The following FGG variants were observed in gnomAD, a reference collection of about 807,000 sequenced individuals.
FGG encodes fibrinogen, gamma polypeptide.
A neutral mutation model predicts 51.7 loss-of-function variants in FGG; 20 were observed. The observed-to-expected ratio is 0.39, with a 90% CI of 0.27 to 0.56. FGG has a LOEUF of 0.56. Ranked by LOEUF, FGG falls within the 20% of genes least tolerant of loss-of-function variation. The pLI is 0.64. For missense variants in FGG, 460 were observed against 534.2 expected, an observed-to-expected ratio of 0.86 and a Z score of 1.37; for synonymous variants, 184 against 184.7, an observed-to-expected ratio of 1.00 and a Z score of 0.03.
chr4:154,604,973 G>C lies in FGG; in HGVS notation c.1223C>G (p.Thr408Ser), dbSNP rs1228470924. The change falls in exon 9 of 9, where the codon ACC becomes AGC. Residue 408 changes from threonine (T) to serine (S), a missense_variant. Around this residue, in one of 3 missense-constraint regions of FGG, gnomAD observed 92 missense variants for 93.7 expected, o/e 0.98. Coordinates refer to ENST00000336098, the MANE Select transcript of FGG (RefSeq NM_021870.3). ...GTTGAATGGGATTATCTTCATAGTG[G>C]TTTTCTTCATGGAATACCACCGGGT... is the stretch of plus-strand genomic sequence containing the variant. Reference protein sequence around the residue: ...WKTRWYSMKKTTMKIIPFNRL... With the variant: ...WKTRWYSMKKSTMKIIPFNRL... 2 of 1,613,846 alleles carry C rather than the reference G, an allele frequency of 1.2e-6. No individual in the cohort carries two copies. Among genetic ancestry groups the C allele is most frequent in the African/African-American group, 1.3e-5 (1 of 74,846 alleles).
chr4:154,611,983 T>C, intron 3 of FGG, 35 bp downstream of exon 3: 1 of 1,607,320 alleles, frequency 6.2e-7, no homozygotes, highest in Non-Finnish European at 8.5e-7. Context: ...AGATTATTAT[T>C]ATTATTTTTT....
Position 154,608,615 on chromosome 4 carries a change from C to T in FGG, c.702G>A (p.Trp234Ter). ...GTCCAAATCCTTCTTTATATTGAAT[C>T]CAGTTTTTCTTGAAATCTACACTGC... ...LDGSVDFKKN[W>*]IQYKEGFGHL... The change falls in exon 7 of 9, where the codon TGG (tryptophan) becomes TGA (stop). Residue 234 changes from tryptophan to a stop codon, truncating the protein, a stop_gained. Coordinates refer to ENST00000336098, the MANE Select transcript of FGG (RefSeq NM_021870.3). LOFTEE classifies it high-confidence loss of function. 1 of 1,611,576 alleles carries T rather than the reference C, an allele frequency of 6.2e-7. No individual in the cohort carries two copies. Among genetic ancestry groups the T allele is most frequent in the Non-Finnish European group, 8.5e-7 (1 of 1,179,192 alleles).
At position 154,606,546 on chromosome 4, in the gene FGG, T is replaced by A. The variant is rs577959449; in HGVS notation, c.1129+159A>T. Among the ~76,000 whole-genome samples, 9 of 152,318 alleles carry A rather than the reference T, an allele frequency of 5.9e-5. No individual in the cohort carries two copies. In the South Asian group the frequency reaches 8.3e-4, roughly 14 times the overall value. On this transcript the variant is annotated intron_variant, in intron 8 of 8. Transcript: ENST00000336098. ...AATTTTAGGCATGAACTTGGTATTA[T>A]CCACTTCCAGTTTCAAAGAACTTAG...
At position 154,607,096 on chromosome 4, in the gene FGG, A is replaced by G; in HGVS notation, c.852-114T>C. On this transcript the variant is annotated intron_variant, in intron 7 of 8. Transcript: ENST00000336098. ...TTTGACTTTGTTTCTTAAGGCTGAA[A>G]TTTGCTCATTGAGTGAAGTTTTTTG... 3.0e-6 allele frequency: 4 copies of G among 1,354,180 alleles called. 1 individual carries two copies. Among genetic ancestry groups the G allele is most frequent in the Non-Finnish European group, 4.0e-6 (4 of 1,009,228 alleles). 83.9% of individuals were successfully genotyped at this position (1,354,180 alleles called of 1,614,324 possible).
At position 154,605,035 on chromosome 4, in the gene FGG, A is replaced by C. The variant is rs750709345; in HGVS notation, c.1161T>G (p.Asn387Lys). The change falls in exon 9 of 9, where the codon AAT becomes AAG. Residue 387 changes from asparagine to lysine, a missense_variant. This residue lies in a region of FGG where 92 missense variants were observed against 93.7 expected (regional missense o/e 0.98). Coordinates refer to ENST00000336098, the MANE Select transcript of FGG (RefSeq NM_021870.3). ...CCCAAATAATGCCATTATCATAACCATTAGGAGTAGATGCTTTTGAGTAAG... is the reference window on the plus strand; with the variant it reads ...CCCAAATAATGCCATTATCATAACCCTTAGGAGTAGATGCTTTTGAGTAAG... ...GGTYSKASTP[N>K]GYDNGIIWAT... 6.8e-5 allele frequency: 109 copies of C among 1,613,952 alleles called. No homozygotes were observed. The highest frequency in any genetic ancestry group is 8.6e-5 in the Non-Finnish European group (102 of 1,179,970).
Position 154,610,052 on chromosome 4 carries a change from A to C in FGG, c.532+15T>G, listed in dbSNP as rs1731177001. ...CTTTGATGAACCTAATCCCAATATA[A>C]CCTTCATCAGTTACCTTTCCCAGTG... On this transcript the variant is annotated intron_variant, in intron 5 of 8. Coordinates refer to ENST00000336098, the MANE Select transcript of FGG (RefSeq NM_021870.3). 6.2e-7 allele frequency: 1 copy of C among 1,613,526 alleles called. No homozygotes were observed. The highest frequency in any genetic ancestry group is 1.7e-5 in the Admixed American group (1 of 59,954).
intron 8 of FGG, 100 bp from the exon 9 acceptor site, chr4:154,605,166 T>C (rs1353174761): frequency 8.5e-7 from 1 of 1,183,210 alleles, no homozygotes; most frequent in Non-Finnish European, 1.2e-6. Flanking sequence ...GCCAGTTACA[T>C]AAAATTTATA....
rs1470480716 is a variant in FGG at position 154,611,813 on chromosome 4, T to G, written c.393A>C (p.Ser131=). 4 of 1,607,236 alleles carry G rather than the reference T, an allele frequency of 2.5e-6. No individual in the cohort carries two copies. Among genetic ancestry groups the G allele is most frequent in the Non-Finnish European group, 3.4e-6 (4 of 1,175,690 alleles). Residue 131 remains serine, a synonymous_variant, in exon 4 of 9, where the codon TCA becomes TCC. Transcript: ENST00000336098. ...AAAACAAAAATCCTTACCGAATACT[T>G]GAGTCATGTGTTAAAATCGATGCTT... ...KYEASILTHD[S]SIRYLQEIYN...
Position 154,608,591 on chromosome 4 carries a change from T to C in FGG, c.726A>G (p.Gly242=), listed in dbSNP as rs767150008. 5.6e-6 allele frequency: 9 copies of C among 1,613,656 alleles called. No homozygotes were observed. The East Asian group carries it at 1.8e-4, about 32-fold the overall frequency. The part of the protein sequence containing the change: ...KNWIQYKEGF[G]HLSPTGTTEF... ...CTGTTGTGCCAGTAGGAGACAGATG[T>C]CCAAATCCTTCTTTATATTGAATCC... The change falls in exon 7 of 9, where the codon GGA becomes GGG. Residue 242 remains glycine (G), a synonymous_variant. Transcript: ENST00000336098.
At chr4:154,607,186 G>T (rs1578809011) in intron 7 of FGG, among the ~76,000 whole-genome samples, 1 of 152,094 alleles carries the variant, frequency 6.6e-6, no homozygotes, top group East Asian at 1.9e-4. Flanking sequence ...TCCCGGGATG[G>T]GCCTAGAAGC....
chr4:154,611,820 T>A lies in FGG; in HGVS notation c.386A>T (p.His129Leu). Reference protein sequence around the residue: ...IMKYEASILTHDSSIRYLQEI... With the variant: ...IMKYEASILTLDSSIRYLQEI... ...AAATCCTTACCGAATACTTGAGTCA[T>A]GTGTTAAAATCGATGCTTCATATTT... Residue 129 changes from histidine (H) to leucine (L), a missense_variant, in exon 4 of 9, where the codon CAT (histidine) becomes CTT (leucine). Transcript: ENST00000336098. The A allele has an allele frequency of 1.2e-6, 2 of 1,609,398 alleles. No homozygotes were observed. Among genetic ancestry groups the A allele is most frequent in the Non-Finnish European group, 1.7e-6 (2 of 1,177,244 alleles).
In FGG at chr4:154,604,818, G is replaced by A. The variant is rs1049636; in HGVS notation, c.*16C>T. The A allele has an allele frequency of 0.69, 1,111,643 of 1,612,488 alleles. 385,701 individuals carry two copies. The highest frequency in any genetic ancestry group is 0.81 in the East Asian group (36,308 of 44,856). On this transcript the variant is annotated 3_prime_UTR_variant, in exon 9 of 9. Transcript: ENST00000336098. The stretch of plus-strand genomic sequence containing the variant: ...TCTGAAACTTTGTGGGTCAATAGAA[G>A]TTAGCAGTTAATTTTCTACAAATCA...
At position 154,604,175 on chromosome 4, in the gene FGG, A is replaced by G. The variant is rs1354573328; in HGVS notation, c.*659T>C. 2.3e-5 allele frequency: 11 copies of G among 487,166 alleles called. No homozygotes were observed. The highest frequency in any genetic ancestry group is 4.0e-5 in the Non-Finnish European group (11 of 276,932). 30.2% of individuals were successfully genotyped at this position (487,166 alleles called of 1,614,324 possible). On this transcript the variant is annotated 3_prime_UTR_variant, in exon 9 of 9. Coordinates refer to ENST00000336098, the MANE Select transcript of FGG (RefSeq NM_021870.3). ...AAAAGGTTTATTGAAATGCATGTAGATAAATTATCATCAGCATAAAACTGT... is the reference window on the plus strand; with the variant it reads ...AAAAGGTTTATTGAAATGCATGTAGGTAAATTATCATCAGCATAAAACTGT...
At chr4:154,608,349 C>T in intron 7 of FGG, 117 bp downstream of exon 7, 1 of 997,586 alleles carries the variant, frequency 1.0e-6, no homozygotes, top group Non-Finnish European at 1.5e-6. Flanking sequence ...AAAATGGTGG[C>T]TGGATGTGCT....
At chr4:154,611,410 T>A (rs1731208549) in intron 4 of FGG, 1 of 172,028 alleles carries the variant, frequency 5.8e-6, no homozygotes, top group Non-Finnish European at 1.2e-5. Context: ...AAATCCTTAC[T>A]ATGCCTCTGC....
chr4:154,610,250 C>T (rs568879942), intron 4 of FGG, 53 bp from the exon 5 acceptor site: 3 of 1,364,714 alleles, frequency 2.2e-6, no homozygotes, highest in Non-Finnish European at 3.1e-6. Flanking sequence ...ATAAGTATTC[C>T]TTTCAGAAGA....
At chr4:154,605,470 G>A (rs1254199726) in intron 8 of FGG, among the ~76,000 whole-genome samples, 1 of 152,112 alleles carries the variant, frequency 6.6e-6, no homozygotes, top group Non-Finnish European at 1.5e-5. Flanking sequence ...AATTTTGTTG[G>A]TTGATTGAGG....
At chr4:154,609,989 A>G (rs1041021567) in intron 5 of FGG, 78 bp downstream of exon 5, 22 of 1,591,836 alleles carry the variant, frequency 1.4e-5, no homozygotes, top group Admixed American at 1.3e-4. Context: ...AACTATTCCT[A>G]TACTTTCCAG....
In FGG at chr4:154,610,047, A is replaced by G. The variant is rs749283132; in HGVS notation, c.532+20T>C. ...ACTTACTTTGATGAACCTAATCCCA[A>G]TATAACCTTCATCAGTTACCTTTCC... On this transcript the variant is annotated intron_variant, in intron 5 of 8. Transcript: ENST00000336098. 1.2e-6 allele frequency: 2 copies of G among 1,613,510 alleles called. No homozygotes were observed. The highest frequency in any genetic ancestry group is 1.1e-5 in the South Asian group (1 of 91,062).
Sources: gnomAD v4.1 joint callset for allele counts (sites outside exome capture counted in the v4.1 genomes callset) on GRCh38, gnomAD v4.1.1 for gene constraint, gnomAD v4.1.1 regional missense constraint, MANE v1.5 for transcripts, NCBI Gene and HGNC (gene_info 2026-07-23, HGNC 2026-07-21) for gene names.